Variants in ANKRD17 observed in about 807,000 individuals in gnomAD.
ANKRD17 encodes the protein ankyrin repeat domain-containing protein 17.
In ANKRD17, 19 loss-of-function variants were observed where a neutral mutation model predicts 229.7. The ratio of observed to expected loss-of-function variants is 0.08; its 90% confidence interval spans 0.06 to 0.12. The LOEUF (loss-of-function observed/expected upper bound fraction) is 0.12. ANKRD17 is among the 10% of genes least tolerant of loss of function. The pLI, the probability that ANKRD17 is intolerant of heterozygous loss-of-function variation, is 1.00. For synonymous variants in ANKRD17, 1,112 were observed against 1,146.1 expected (o/e 0.97, Z 0.60); for missense variants, 2,176 against 3,176.8 (o/e 0.68, Z 7.57).
intron 1 of ANKRD17, among the ~76,000 whole-genome samples, chr4:73,188,396 C>T (rs1461016281): frequency 6.6e-6 from 1 of 151,884 alleles, no homozygotes. Flanking sequence ...ACCAGCCTGG[C>T]CAATATGGTG....
chr4:73,239,312 T>C (rs957654506), intron 1 of ANKRD17, among the ~76,000 whole-genome samples: 3 of 152,176 alleles, frequency 2.0e-5, no homozygotes, highest in African/African-American at 7.2e-5. Context: ...CTCTGGAATA[T>C]ATCTTACCAC....
rs550808073 is a variant in ANKRD17, at chr4:73,103,301, A to C, written c.4402-754T>G. 3.9e-4 allele frequency among the ~76,000 whole-genome samples: 60 copies of C among 152,228 alleles called. 1 individual carries two copies. The highest frequency in any genetic ancestry group is 7.9e-4 in the African/African-American group (33 of 41,532). On this transcript the variant is annotated intron_variant, in intron 24 of 33. Transcript: ENST00000358602. ...GATTTGTATAAATACAGAAAAAAAA[A>C]CCATAAAAGTTATAAATAAAAGGGT...
At chr4:73,250,805 A>G (rs1382837619) in intron 1 of ANKRD17, among the ~76,000 whole-genome samples, 1 of 151,470 alleles carries the variant, frequency 6.6e-6, no homozygotes, top group Non-Finnish European at 1.5e-5. Context: ...CTCCCAGGTT[A>G]AAGCAATTCT....
chr4:73,209,264 A>G (rs1354756024), intron 1 of ANKRD17, among the ~76,000 whole-genome samples: 1 of 152,180 alleles, frequency 6.6e-6, no homozygotes, highest in Non-Finnish European at 1.5e-5. Flanking sequence ...CAGTGACACA[A>G]AATGAAAATC....
At chr4:73,240,741 C>T (rs189967896) in intron 1 of ANKRD17, among the ~76,000 whole-genome samples, 3 of 151,792 alleles carry the variant, frequency 2.0e-5, no homozygotes, top group Admixed American at 1.3e-4. Context: ...ACACAGGAAA[C>T]TGCTTAGTAC....
At chr4:73,195,989 C>T (rs1324439629) in intron 1 of ANKRD17, among the ~76,000 whole-genome samples, 1 of 149,316 alleles carries the variant, frequency 6.7e-6, no homozygotes, top group African/African-American at 2.5e-5. Flanking sequence ...ATGATTCTTT[C>T]GAAGAACCAT....
At chr4:73,147,008 C>T (rs957858613) in intron 9 of ANKRD17, 135 bp from the exon 10 acceptor site, 3 of 812,860 alleles carry the variant, frequency 3.7e-6, no homozygotes, top group Admixed American at 6.2e-5. Context: ...TTTCCAGAAA[C>T]AGAGAATATT....
chr4:73,075,975 TC>T lies in ANKRD17; in HGVS notation c.*255del. On this transcript the variant is annotated 3_prime_UTR_variant, in exon 34 of 34. Coordinates refer to ENST00000358602, the MANE Select transcript of ANKRD17 (RefSeq NM_032217.5). ...AGAACAGCTTCAACAGAAAGTTATG[TC>T]CAAAGGGGAAGAGGGAAAGAAAAAA... The T allele has an allele frequency of 8.8e-6, 3 of 340,852 alleles. No homozygotes were observed. Among genetic ancestry groups the T allele is most frequent in the Non-Finnish European group, 1.6e-5 (3 of 187,028 alleles). 21.1% of individuals were successfully genotyped at this position (340,852 alleles called of 1,614,324 possible).
intron 1 of ANKRD17, among the ~76,000 whole-genome samples, chr4:73,190,322 T>C (rs960749546): frequency 6.6e-6 from 1 of 152,014 alleles, no homozygotes; most frequent in Non-Finnish European, 1.5e-5. Flanking sequence ...TGAGCTGAGA[T>C]TGCGCCACTG....
intron 5 of ANKRD17, among the ~76,000 whole-genome samples, chr4:73,154,688 C>T (rs1191786450): frequency 6.6e-6 from 1 of 152,046 alleles, no homozygotes; most frequent in Non-Finnish European, 1.5e-5. Flanking sequence ...AAAAATCAAC[C>T]TTCTGGGTAA....
intron 20 of ANKRD17, 101 bp from the exon 21 acceptor site, chr4:73,120,438 T>G: frequency 6.6e-4 from 628 of 945,436 alleles, no homozygotes; most frequent in Non-Finnish European, 9.0e-4. Context: ...ATACAGCTGT[T>G]ACCAAGATTC....
At chr4:73,231,760 G>C (rs544002486) in intron 1 of ANKRD17, among the ~76,000 whole-genome samples, 1 of 152,260 alleles carries the variant, frequency 6.6e-6, no homozygotes, top group East Asian at 1.9e-4. Flanking sequence ...AAATGGTTGG[G>C]ATTTTCAGCC....
intron 27 of ANKRD17, 143 bp from the exon 28 acceptor site, chr4:73,094,371 CT>C (rs1723079811): frequency 2.7e-6 from 2 of 743,468 alleles, no homozygotes; most frequent in Non-Finnish European, 4.2e-6. Context: ...TACTCTTACT[CT>C]AGATGAACAG....
At chr4:73,120,811 A>T in intron 20 of ANKRD17, 70 bp downstream of exon 20, 1 of 1,340,108 alleles carries the variant, frequency 7.5e-7, no homozygotes, top group East Asian at 2.4e-5. Flanking sequence ...ATTATAATCA[A>T]CATGTTGCTA....
intron 2 of ANKRD17, among the ~76,000 whole-genome samples, chr4:73,163,689 G>C (rs140809635): frequency 6.6e-6 from 1 of 152,322 alleles, no homozygotes; most frequent in Admixed American, 6.5e-5. Flanking sequence ...CACCGAGTTA[G>C]AATAAAAAGG....
intron 30 of ANKRD17, among the ~76,000 whole-genome samples, chr4:73,084,657 C>G (rs901914670): frequency 6.6e-6 from 1 of 151,934 alleles, no homozygotes; most frequent in African/African-American, 2.4e-5. Flanking sequence ...CCATGTTGGC[C>G]GAGCTGGTCT....
At chr4:73,176,236 T>A (rs1160162789) in intron 2 of ANKRD17, among the ~76,000 whole-genome samples, 1 of 151,996 alleles carries the variant, frequency 6.6e-6, no homozygotes, top group Non-Finnish European at 1.5e-5. Flanking sequence ...AAAACGCAAA[T>A]CAAAACTATA....
At chr4:73,153,778 T>C (rs1731304613) in intron 6 of ANKRD17, 102 bp downstream of exon 6, 1 of 818,492 alleles carries the variant, frequency 1.2e-6, no homozygotes, top group Middle Eastern at 3.6e-4. Flanking sequence ...ACATACTATA[T>C]ACTATCATTG....
chr4:73,206,391 T>C (rs1168573935), intron 1 of ANKRD17, among the ~76,000 whole-genome samples: 2 of 107,808 alleles, frequency 1.9e-5, no homozygotes, highest in African/African-American at 7.4e-5. Flanking sequence ...ATATACACAA[T>C]AGAACAGAAA....
Sources: gnomAD v4.1 joint callset for allele counts (sites outside exome capture counted in the v4.1 genomes callset) on GRCh38, gnomAD v4.1.1 for gene constraint, MANE v1.5 for transcripts, NCBI Gene and HGNC (gene_info 2026-07-23, HGNC 2026-07-21) for gene names.